RAB4A: variants seen among roughly 807,000 people sequenced by gnomAD.
The protein encoded by RAB4A is RAB4A, member RAS oncogene family, also known as ras-related protein Rab-4A.
A neutral mutation model predicts 34.5 loss-of-function variants in RAB4A; 20 were observed. The ratio of observed to expected loss-of-function variants is 0.58; its 90% CI spans 0.41 to 0.84. The LOEUF (loss-of-function observed/expected upper bound fraction) is 0.84. RAB4A is among the 40% of genes least tolerant of loss of function. The pLI is 0.00. For missense variants in RAB4A, 228 were observed against 274.5 expected (o/e 0.83, Z 1.20); for synonymous variants, 102 against 100.0 (o/e 1.02, Z -0.12).
At chr1:229,284,599 C>T (rs1656875281) in intron 1 of RAB4A, among the ~76,000 whole-genome samples, 1 of 152,168 alleles carries the variant, frequency 6.6e-6, no homozygotes, top group Non-Finnish European at 1.5e-5. Flanking sequence ...GGAATCAAGA[C>T]ACCTAGTTTC....
chr1:229,286,648 T>A, intron 2 of RAB4A, 82 bp downstream of exon 2: 2 of 838,492 alleles, frequency 2.4e-6, no homozygotes, highest in Non-Finnish European at 3.7e-6. Context: ...GTAAACTTAA[T>A]TTTTTCAGAG....
chr1:229,279,814 G>GA (rs1656737412), intron 1 of RAB4A, among the ~76,000 whole-genome samples: 1 of 150,306 alleles, frequency 6.7e-6, no homozygotes, highest in African/African-American at 2.5e-5. Flanking sequence ...TCATTCTGGA[G>GA]AAAACCCTTA....
At chr1:229,299,542 ACTGAGCATGCC>A (rs1657329109) in intron 6 of RAB4A, among the ~76,000 whole-genome samples, 4 of 152,222 alleles carry the variant, frequency 2.6e-5, no homozygotes, top group African/African-American at 9.6e-5. Context: ...TCTGAAGCTT[ACTGAGCATGCC>A]TCAATTATAA....
chr1:229,277,319 C>G (rs1188454253), intron 1 of RAB4A, among the ~76,000 whole-genome samples: 2 of 151,080 alleles, frequency 1.3e-5, no homozygotes, highest in South Asian at 4.2e-4. Flanking sequence ...TAAACCGCGG[C>G]TCCTACAGGC....
intron 1 of RAB4A, among the ~76,000 whole-genome samples, chr1:229,281,816 T>TTTTA (rs1219025461): frequency 2.8e-5 from 4 of 140,400 alleles, no homozygotes; most frequent in Non-Finnish European, 6.2e-5. Context: ...CTTATCATAG[T>TTTTA]TATATATATA....
intron 1 of RAB4A, among the ~76,000 whole-genome samples, chr1:229,274,972 C>T (rs973065405): frequency 1.3e-5 from 2 of 152,054 alleles, no homozygotes; most frequent in African/African-American, 2.4e-5. Context: ...ATTTTGAAAA[C>T]AGCACAGTAT....
At chr1:229,302,274 TA>T (rs1657406178) in intron 6 of RAB4A, among the ~76,000 whole-genome samples, 26 of 14,702 alleles carry the variant, frequency 1.8e-3, no homozygotes, top group African/African-American at 6.8e-3. Context: ...TATATATATA[TA>T]TATATATATA....
At chr1:229,302,280 TATATATATATATATATATATA>T (rs1411385286) in intron 6 of RAB4A, among the ~76,000 whole-genome samples, 458 of 19,808 alleles carry the variant, frequency 0.023, 28 homozygotes, top group African/African-American at 0.083. Context: ...TATATATATA[TATATATATATATATATATATA>T]TATATATATT....
intron 6 of RAB4A, among the ~76,000 whole-genome samples, chr1:229,302,525 C>A (rs560018137): frequency 9.3e-5 from 14 of 149,766 alleles, no homozygotes; most frequent in Admixed American, 4.0e-4. Flanking sequence ...AAAATTATAT[C>A]TTTGTAATTT....
intron 1 of RAB4A, among the ~76,000 whole-genome samples, chr1:229,278,930 T>C (rs534268378): frequency 3.9e-5 from 6 of 152,306 alleles, no homozygotes; most frequent in African/African-American, 1.4e-4. Flanking sequence ...ATTCGGCCCT[T>C]ATAAGAACTG....
chr1:229,286,419 C>T lies in RAB4A; in HGVS notation c.32-67C>T, dbSNP rs191438258. ...CAACTAAGATACTAAATTTGATGAT[C>T]GTGATCTAAGAAGAAATTCACAGCA... On this transcript the variant is annotated intron_variant, in intron 1 of 7. Transcript: ENST00000366690. The T allele has an allele frequency of 2.3e-4, 212 of 938,060 alleles. 1 individual carries two copies. In the East Asian group the frequency reaches 5.2e-3, roughly 23 times the overall value. 58.1% of individuals were successfully genotyped at this position (938,060 alleles called of 1,614,324 possible). A position where few individuals can be genotyped will look rare whatever the true frequency, so the allele number is the denominator to read the frequency against.
At chr1:229,282,144 T>G (rs1656794351) in intron 1 of RAB4A, among the ~76,000 whole-genome samples, 1 of 152,130 alleles carries the variant, frequency 6.6e-6, no homozygotes, top group Admixed American at 6.5e-5. Context: ...TCTGTTAATT[T>G]TTTTTTAAAT....
At chr1:229,286,676 G>T in intron 2 of RAB4A, 110 bp downstream of exon 2, 1 of 658,638 alleles carries the variant, frequency 1.5e-6, no homozygotes. Flanking sequence ...GTAATAGTTT[G>T]AAAGTATTTT....
chr1:229,286,823 T>C (rs1656936064), intron 2 of RAB4A, among the ~76,000 whole-genome samples: 1 of 152,206 alleles, frequency 6.6e-6, no homozygotes, highest in Non-Finnish European at 1.5e-5. Flanking sequence ...ATGTTGAAGA[T>C]AGCAGAGGGG....
At chr1:229,274,650 A>G (rs1656594888) in intron 1 of RAB4A, among the ~76,000 whole-genome samples, 1 of 152,382 alleles carries the variant, frequency 6.6e-6, no homozygotes, top group Non-Finnish European at 1.5e-5. Flanking sequence ...GGACTTCCCA[A>G]GGAACTCTGC....
intron 5 of RAB4A, 74 bp from the exon 6 acceptor site, chr1:229,298,903 T>A (rs1401758181): frequency 3.8e-6 from 4 of 1,062,744 alleles, no homozygotes; most frequent in Non-Finnish European, 5.7e-6. Context: ...AAGAGAATGC[T>A]ACACAGGCTT....
intron 6 of RAB4A, among the ~76,000 whole-genome samples, chr1:229,302,275 A>ATG (rs1657407321): frequency 7.3e-5 from 1 of 13,784 alleles, no homozygotes; most frequent in African/African-American, 4.2e-4. Flanking sequence ...ATATATATAT[A>ATG]TATATATATA....
chr1:229,283,613 C>G (rs1656833709), intron 1 of RAB4A, among the ~76,000 whole-genome samples: 1 of 152,066 alleles, frequency 6.6e-6, no homozygotes, highest in East Asian at 1.9e-4. Context: ...GCCTAGGATA[C>G]AAGAGGCAAA....
intron 3 of RAB4A, among the ~76,000 whole-genome samples, chr1:229,289,602 G>T (rs1214287954): frequency 1.3e-5 from 2 of 152,140 alleles, no homozygotes; most frequent in African/African-American, 4.8e-5. Context: ...CCTCACCTGA[G>T]GTCAGGAGTT....
Sources: allele counts gnomAD v4.1 joint callset (sites outside exome capture counted in the v4.1 genomes callset), GRCh38; gene constraint gnomAD v4.1.1; transcripts MANE v1.5; gene names NCBI Gene and HGNC (gene_info 2026-07-23, HGNC 2026-07-21).